Variants in CLIP4 observed in about 807,000 individuals in gnomAD.
CLIP4 encodes CAP-Gly domain-containing linker protein 4.
Under a neutral mutation model 73.1 loss-of-function variants are expected in CLIP4, and 47 were observed. The ratio of observed to expected loss-of-function variants is 0.64; its 90% CI spans 0.51 to 0.82. CLIP4 has a LOEUF of 0.82. Ranked by LOEUF, CLIP4 falls within the 40% of genes least tolerant of loss-of-function variation. The pLI, the probability that CLIP4 is intolerant of heterozygous loss-of-function variation, is 0.00. For missense variants in CLIP4, 874 were observed against 852.9 expected (o/e 1.02, Z -0.31); for synonymous variants, 306 against 295.4 (o/e 1.04, Z -0.37).
chr2:29,131,583 A>G, intron 3 of CLIP4, 186 bp downstream of exon 3: 1 of 534,206 alleles, frequency 1.9e-6, no homozygotes, highest in East Asian at 3.6e-5. Flanking sequence ...TTATTTCTTC[A>G]TGCTCTGTAC....
At chr2:29,160,547 A>C in intron 12 of CLIP4, 80 bp downstream of exon 12, 2 of 1,493,010 alleles carry the variant, frequency 1.3e-6, no homozygotes, top group Non-Finnish European at 1.8e-6. Context: ...ATAGAATTTA[A>C]TTGTAGAGAA....
chr2:29,126,201 A>T (rs999720234), intron 2 of CLIP4, among the ~76,000 whole-genome samples: 5 of 152,240 alleles, frequency 3.3e-5, no homozygotes, highest in Admixed American at 6.5e-5. Context: ...AAATAAAAAA[A>T]TAAAAACTAT....
chr2:29,130,171 C>T (rs1191963758), intron 2 of CLIP4: 1 of 425,548 alleles, frequency 2.3e-6, no homozygotes, highest in Non-Finnish European at 5.1e-6. Context: ...AGTGCTGCGG[C>T]CCTGGGTACC....
chr2:29,134,992 A>G (rs559550714), intron 5 of CLIP4, among the ~76,000 whole-genome samples: 2 of 152,088 alleles, frequency 1.3e-5, no homozygotes, highest in African/African-American at 2.4e-5. Flanking sequence ...AGGGCCAGCT[A>G]CTAAATACTT....
At chr2:29,173,662 A>G (rs903990705) in intron 14 of CLIP4, among the ~76,000 whole-genome samples, 3 of 152,216 alleles carry the variant, frequency 2.0e-5, no homozygotes, top group African/African-American at 7.2e-5. Flanking sequence ...TTTAAACTAA[A>G]ATTGTGTCAA....
upstream of CLIP4, among the ~76,000 whole-genome samples, chr2:29,112,860 T>A (rs7606216): frequency 0.14 from 21,132 of 152,292 alleles, 1,957 homozygotes; most frequent in Middle Eastern, 0.25. Context: ...CCATCCCATA[T>A]CCAGTCCATG....
intron 1 of CLIP4, among the ~76,000 whole-genome samples, chr2:29,104,441 AATTTT>A (rs143369825): frequency 0.026 from 4,008 of 151,620 alleles, 145 homozygotes; most frequent in East Asian, 0.09. Context: ...ACGCCCAGCT[AATTTT>A]ATTTTATTTT....
intron 15 of CLIP4, among the ~76,000 whole-genome samples, chr2:29,178,425 C>A (rs933663106): frequency 6.6e-6 from 1 of 152,162 alleles, no homozygotes; most frequent in Non-Finnish European, 1.5e-5. Flanking sequence ...AGGTGATCCA[C>A]CTGCCTCAGC....
At chr2:29,122,826 C>CAAAAAAAAAAAAAAAAAAAAA in intron 2 of CLIP4, among the ~76,000 whole-genome samples, 1 of 61,914 alleles carries the variant, frequency 1.6e-5, no homozygotes, top group Non-Finnish European at 2.7e-5. Context: ...ACTTTGTCTC[C>CAAAAAAAAAAAAAAAAAAAAA]AAAAAAAAAA....
upstream of CLIP4, among the ~76,000 whole-genome samples, chr2:29,111,422 C>G (rs374012862): frequency 1.3e-5 from 2 of 152,192 alleles, no homozygotes; most frequent in Admixed American, 6.5e-5. Flanking sequence ...AAACACTGTA[C>G]GTTAGGACTT....
In CLIP4 at chr2:29,163,832, A is replaced by G; in HGVS notation, c.1536A>G (p.Gly512=). Residue 512 remains glycine (G), a splice_region_variant and synonymous_variant, in exon 13 of 16, where the codon GGA becomes GGG. Transcript: ENST00000320081. ...RFFGTTNFAP[G]YWYGIELEKP... is the part of the protein sequence containing the mutation. ...TGAAATGCAATATTCATGTTCTAGGATATTGGTATGGTATAGAGCTTGAAA... is the reference window on the plus strand; with the variant it reads ...TGAAATGCAATATTCATGTTCTAGGGTATTGGTATGGTATAGAGCTTGAAA... The G allele has an allele frequency of 6.2e-7, 1 of 1,611,444 alleles. No homozygotes were observed. The highest frequency in any genetic ancestry group is 1.7e-5 in the Admixed American group (1 of 59,508).
chr2:29,132,435 C>T, intron 4 of CLIP4, 190 bp downstream of exon 4: 1 of 581,846 alleles, frequency 1.7e-6, no homozygotes, highest in Non-Finnish European at 3.0e-6. Context: ...TCTTTATACC[C>T]TCCTGATACC....
chr2:29,138,920 C>G (rs1235407256), intron 6 of CLIP4, among the ~76,000 whole-genome samples: 1 of 151,982 alleles, frequency 6.6e-6, no homozygotes, highest in Non-Finnish European at 1.5e-5. Context: ...TTAGAATTTT[C>G]TACATATCGA....
At chr2:29,170,166 A>C (rs1337495369) in intron 14 of CLIP4, among the ~76,000 whole-genome samples, 2 of 152,162 alleles carry the variant, frequency 1.3e-5, no homozygotes, top group Non-Finnish European at 2.9e-5. Flanking sequence ...ATTGGTGGAC[A>C]CTTAGGTTGA....
chr2:29,176,971 C>A (rs1261220212), intron 15 of CLIP4, among the ~76,000 whole-genome samples: 6 of 152,176 alleles, frequency 3.9e-5, no homozygotes, highest in Non-Finnish European at 7.3e-5. Context: ...TTCTCAAACA[C>A]AGAATGAAGT....
intron 15 of CLIP4, among the ~76,000 whole-genome samples, chr2:29,175,863 G>A (rs879899175): frequency 1.2e-4 from 18 of 152,060 alleles, no homozygotes; most frequent in South Asian, 2.1e-4. Flanking sequence ...CCGGGTTCAC[G>A]CCATTCTTCT....
intron 6 of CLIP4, among the ~76,000 whole-genome samples, chr2:29,140,275 T>A (rs1360769413): frequency 1.3e-5 from 2 of 151,922 alleles, no homozygotes; most frequent in East Asian, 3.9e-4. Flanking sequence ...TTCCCCTTCC[T>A]GTGTCCATGT....
chr2:29,100,121 G>A (rs1422305387), intron 1 of CLIP4, among the ~76,000 whole-genome samples: 1 of 149,714 alleles, frequency 6.7e-6, no homozygotes, highest in Non-Finnish European at 1.5e-5. Flanking sequence ...TAGAGACAGG[G>A]TTTTCGCCGT....
chr2:29,128,039 G>A, intron 2 of CLIP4, among the ~76,000 whole-genome samples: 1 of 152,002 alleles, frequency 6.6e-6, no homozygotes, highest in East Asian at 1.9e-4. Context: ...ATAACATAAG[G>A]TTAAGCATCA....
Sources: gnomAD v4.1 joint callset for allele counts (sites outside exome capture counted in the v4.1 genomes callset) on GRCh38, gnomAD v4.1.1 for gene constraint, MANE v1.5 for transcripts, NCBI Gene and HGNC (gene_info 2026-07-23, HGNC 2026-07-21) for gene names.